SLC29A3: variants seen among roughly 807,000 people sequenced by gnomAD.
The protein encoded by SLC29A3 is solute carrier family 29 member 3.
A neutral mutation model predicts 25.4 loss-of-function variants in SLC29A3; 18 were observed. That is an observed-to-expected ratio of 0.71 (90% CI 0.49 to 1.05). SLC29A3 has a LOEUF of 1.05. Among genes scored for constraint, SLC29A3 ranks in the 50% least tolerant of loss-of-function variants. The probability of loss-of-function intolerance (pLI) is 0.00; values close to 1 mark genes in which losing one functional copy is unlikely to be tolerated. For missense variants in SLC29A3, 586 were observed against 609.0 expected, an observed-to-expected ratio of 0.96 and a Z score of 0.40; for synonymous variants, 258 against 267.1, an observed-to-expected ratio of 0.97 and a Z score of 0.33.
intron 2 of SLC29A3, among the ~76,000 whole-genome samples, chr10:71,336,108 T>C (rs1193821921): frequency 3.3e-5 from 5 of 152,248 alleles, no homozygotes; most frequent in African/African-American, 9.6e-5. Flanking sequence ...TCCTTGCTGC[T>C]GCTTTGGCAT....
chr10:71,353,309 C>T (rs776730039), intron 4 of SLC29A3, among the ~76,000 whole-genome samples: 13 of 152,286 alleles, frequency 8.5e-5, no homozygotes, highest in East Asian at 1.9e-4. Flanking sequence ...CATGCATCAG[C>T]GATGCTTTCA....
intron 2 of SLC29A3, among the ~76,000 whole-genome samples, chr10:71,325,424 G>A (rs575099396): frequency 2.6e-5 from 4 of 152,260 alleles, no homozygotes; most frequent in South Asian, 2.1e-4. Flanking sequence ...CACATTACCC[G>A]TCCGATGAAA....
chr10:71,321,300 G>A (rs1249978139), intron 1 of SLC29A3, among the ~76,000 whole-genome samples: 1 of 152,214 alleles, frequency 6.6e-6, no homozygotes, highest in Non-Finnish European at 1.5e-5. Context: ...GCACCCATGT[G>A]AGGAGGTGTT....
At chr10:71,321,778 T>A (rs960034996) in intron 1 of SLC29A3, among the ~76,000 whole-genome samples, 1 of 152,244 alleles carries the variant, frequency 6.6e-6, no homozygotes, top group Non-Finnish European at 1.5e-5. Context: ...CCTAGGCTCT[T>A]CCATTTATCT....
At position 71,351,787 on chromosome 10, in the gene SLC29A3, AG is replaced by A. The variant is rs1564538156; in HGVS notation, c.610+1del. ...TGAGGAACTCCCAGGCACTGATATC[AG>A]GTGAGAGCCAGGGTCCGGGCAGCTG... Reference protein sequence around the residue: ...PMRNSQALISGGAMGGTVSAV... With the variant: ...PMRNSQALISXGAMGGTVSAV... On this transcript the variant is annotated frameshift_variant and splice_region_variant, in exon 4 of 6. Coordinates refer to ENST00000373189, the MANE Select transcript of SLC29A3 (RefSeq NM_018344.6). LOFTEE classifies it high-confidence loss of function. The A allele has an allele frequency of 6.2e-7, 1 of 1,609,988 alleles. No homozygotes were observed.
chr10:71,344,382 A>G (rs1046943457), intron 3 of SLC29A3, 91 bp downstream of exon 3: 11 of 989,544 alleles, frequency 1.1e-5, no homozygotes, highest in Non-Finnish European at 1.8e-5. Flanking sequence ...TTTTCTGCCT[A>G]CTTAAGTGGT....
chr10:71,334,763 C>A (rs1047533908), intron 2 of SLC29A3, among the ~76,000 whole-genome samples: 4 of 152,164 alleles, frequency 2.6e-5, no homozygotes, highest in African/African-American at 7.2e-5. Flanking sequence ...AGCCTCCCCC[C>A]ATCCCCATTC....
chr10:71,345,862 G>A (rs1197157329), intron 3 of SLC29A3, among the ~76,000 whole-genome samples: 8 of 152,216 alleles, frequency 5.3e-5, no homozygotes, highest in Non-Finnish European at 5.9e-5. Flanking sequence ...GCCGTGGTGG[G>A]GGGAGCCCTT....
chr10:71,337,975 T>G (rs1270669499), intron 2 of SLC29A3, among the ~76,000 whole-genome samples: 5 of 152,060 alleles, frequency 3.3e-5, no homozygotes, highest in African/African-American at 1.2e-4. Flanking sequence ...TGGAAATGAG[T>G]TTCCTTCTCA....
chr10:71,372,436 T>G (rs1403223820), intron 3 of SLC29A3, among the ~76,000 whole-genome samples: 1 of 152,218 alleles, frequency 6.6e-6, no homozygotes, highest in African/African-American at 2.4e-5. Flanking sequence ...TAGAATCACC[T>G]GGAGCACTTG....
At chr10:71,357,753 G>C (rs1846952808) in intron 5 of SLC29A3, among the ~76,000 whole-genome samples, 1 of 152,120 alleles carries the variant, frequency 6.6e-6, no homozygotes, top group African/African-American at 2.4e-5. Flanking sequence ...CTTGCTGCCT[G>C]CTGCTTTTTA....
At chr10:71,337,418 A>C (rs1846280820) in intron 2 of SLC29A3, among the ~76,000 whole-genome samples, 1 of 152,250 alleles carries the variant, frequency 6.6e-6, no homozygotes, top group Non-Finnish European at 1.5e-5. Context: ...ATGGCAAACT[A>C]TTCTTGGCTC....
Position 71,344,196 on chromosome 10 carries a change from T to C in SLC29A3, c.301-13T>C. 2 of 1,611,052 alleles carry C rather than the reference T, an allele frequency of 1.2e-6. No individual in the cohort carries two copies. Among genetic ancestry groups the C allele is most frequent in the Non-Finnish European group, 1.7e-6 (2 of 1,177,276 alleles). ...TGAGTGACCGCAGCACCTCCTCACT[T>C]GTGTGCTTGCAGAACTACTTTGAGA... On this transcript the variant is annotated splice_polypyrimidine_tract_variant and intron_variant, in intron 2 of 5. Coordinates refer to ENST00000373189, the MANE Select transcript of SLC29A3 (RefSeq NM_018344.6).
chr10:71,351,652 C>G lies in SLC29A3; in HGVS notation c.474C>G (p.Ser158=), dbSNP rs769083926. Residue 158 remains serine (S), a synonymous_variant, in exon 4 of 6, where the codon TCC becomes TCG. Coordinates refer to ENST00000373189, the MANE Select transcript of SLC29A3 (RefSeq NM_018344.6). ...CTGCACTGGTGAAGGTGGACACTTCCTCCTGGACCCGTGGCTTTTTTGCGG... is the reference window on the plus strand; with the variant it reads ...CTGCACTGGTGAAGGTGGACACTTCGTCCTGGACCCGTGGCTTTTTTGCGG... ...VITALVKVDT[S]SWTRGFFAVT... 3.7e-6 allele frequency: 6 copies of G among 1,614,076 alleles called. No homozygotes were observed. In the African/African-American group the frequency reaches 8.0e-5, roughly 22 times the overall value.
rs1326605337 is a variant in SLC29A3 at position 71,354,868 on chromosome 10, C to T, written c.611-1213C>T. ...TGTGATGAACAGGACAAGTGTTAGCCCCACTTTCCAGGCAAATAAACACAG... is the reference window on the plus strand; with the variant it reads ...TGTGATGAACAGGACAAGTGTTAGCTCCACTTTCCAGGCAAATAAACACAG... On this transcript the variant is annotated intron_variant, in intron 4 of 5. Coordinates refer to ENST00000373189, the MANE Select transcript of SLC29A3 (RefSeq NM_018344.6). Among the ~76,000 whole-genome samples, 5 of 152,264 alleles carry T rather than the reference C, an allele frequency of 3.3e-5. No homozygotes were observed. The East Asian group carries it at 7.7e-4, about 24-fold the overall frequency.
intron 5 of SLC29A3, among the ~76,000 whole-genome samples, chr10:71,358,291 A>C (rs1846967894): frequency 1.3e-5 from 2 of 152,130 alleles, no homozygotes; most frequent in South Asian, 2.1e-4. Context: ...CCAGCCTTTC[A>C]GCAGAACAGC....
chr10:71,321,281 T>A (rs963261279), intron 1 of SLC29A3, among the ~76,000 whole-genome samples: 4 of 152,158 alleles, frequency 2.6e-5, no homozygotes, highest in Non-Finnish European at 5.9e-5. Flanking sequence ...AAATAGTGGA[T>A]AAGGTTCTGC....
intron 2 of SLC29A3, 121 bp from the exon 3 acceptor site, chr10:71,344,088 C>G (rs779728622): frequency 2.4e-6 from 2 of 838,896 alleles, no homozygotes; most frequent in Admixed American, 3.7e-5. Context: ...ACCCACGGCT[C>G]CTGGGTGTCT....
At position 71,322,902 on chromosome 10, in the gene SLC29A3, T is replaced by C. The variant is rs769621228; in HGVS notation, c.148T>C (p.Phe50Leu). 8.1e-6 allele frequency: 13 copies of C among 1,614,118 alleles called. No individual in the cohort carries two copies. The Admixed American group carries it at 2.0e-4, about 25-fold the overall frequency. ...TGGCCTGCAGAGGCCCGAGGACCGC[T>C]TCTGTGGCACATACATCATCTTCTT... is the stretch of plus-strand genomic sequence containing the variant. ...PPGLQRPEDR[F>L]CGTYIIFFSL... Residue 50 changes from phenylalanine (F) to leucine (L), a missense_variant, in exon 2 of 6, where the codon TTC becomes CTC. Phe to Leu is a conservative substitution (Grantham distance 22, BLOSUM62 0). Transcript: ENST00000373189.
Sources: allele counts gnomAD v4.1 joint callset (sites outside exome capture counted in the v4.1 genomes callset), GRCh38; gene constraint gnomAD v4.1.1; transcripts MANE v1.5; gene names NCBI Gene and HGNC (gene_info 2026-07-23, HGNC 2026-07-21).